The following GPC5 variants were observed in gnomAD, a reference collection of about 807,000 sequenced individuals.
GPC5 encodes glypican-5.
Under a neutral mutation model 53.9 loss-of-function variants are expected in GPC5, and 47 were observed. The observed-to-expected ratio is 0.87, with a 90% confidence interval of 0.69 to 1.11. GPC5 has a LOEUF of 1.11. Ranked by LOEUF, GPC5 falls within the 50% of genes most tolerant of loss-of-function variation. The probability of loss-of-function intolerance (pLI) is 0.00; values close to 1 mark genes in which losing one functional copy is unlikely to be tolerated. For synonymous variants in GPC5, 286 were observed against 263.3 expected (o/e 1.09, Z -0.84); for missense variants, 748 against 713.1 (o/e 1.05, Z -0.56).
intron 3 of GPC5, among the ~76,000 whole-genome samples, chr13:91,721,610 G>A (rs929507302): frequency 1.3e-4 from 20 of 152,170 alleles, no homozygotes; most frequent in African/African-American, 4.3e-4. Flanking sequence ...GAAACTACCC[G>A]ATGATCTGGC....
chr13:91,575,290 C>G (rs1349777767), intron 2 of GPC5, among the ~76,000 whole-genome samples: 1 of 152,056 alleles, frequency 6.6e-6, no homozygotes, highest in South Asian at 2.1e-4. Context: ...ATAAAATGGT[C>G]AAGTTTTAAA....
At chr13:91,835,328 T>C (rs2038711026) in intron 5 of GPC5, among the ~76,000 whole-genome samples, 1 of 152,132 alleles carries the variant, frequency 6.6e-6, no homozygotes, top group Admixed American at 6.6e-5. Context: ...GACAGTGTGG[T>C]GATTTCTCAA....
intron 2 of GPC5, among the ~76,000 whole-genome samples, chr13:91,464,780 G>A (rs538332456): frequency 6.6e-6 from 1 of 152,048 alleles, no homozygotes; most frequent in East Asian, 1.9e-4. Context: ...GTTACATGAA[G>A]CTACATGTCA....
intron 7 of GPC5, among the ~76,000 whole-genome samples, chr13:92,505,560 G>A (rs374487068): frequency 3.9e-5 from 6 of 152,012 alleles, no homozygotes; most frequent in African/African-American, 1.4e-4. Flanking sequence ...GTAGTTTCAT[G>A]TTAAATTTAA....
At chr13:92,767,990 C>T (rs1209108135) in intron 7 of GPC5, among the ~76,000 whole-genome samples, 5 of 152,114 alleles carry the variant, frequency 3.3e-5, no homozygotes, top group Non-Finnish European at 5.9e-5. Context: ...TTAAGTAATA[C>T]ATGTAGAAAC....
intron 6 of GPC5, among the ~76,000 whole-genome samples, chr13:92,132,877 G>T (rs1005377248): frequency 1.3e-5 from 2 of 152,016 alleles, no homozygotes; most frequent in East Asian, 1.9e-4. Flanking sequence ...TATCACAGAG[G>T]CCTGCAATAT....
chr13:92,006,169 A>G lies in GPC5; in HGVS notation c.1401+98112A>G, dbSNP rs184890313. Among the ~76,000 whole-genome samples the G allele has an allele frequency of 5.6e-3, 814 of 145,570 alleles. 5 individuals are homozygous for G. The highest frequency in any genetic ancestry group is 7.6e-3 in the Non-Finnish European group (516 of 68,006). On this transcript the variant is annotated intron_variant, in intron 6 of 7. Coordinates refer to ENST00000377067, the MANE Select transcript of GPC5 (RefSeq NM_004466.6). ...TGTGGCTTTTATGACATATGTGCAA[A>G]CAATATACAGTAAGTATTATCTGTC...
intron 7 of GPC5, among the ~76,000 whole-genome samples, chr13:92,649,304 C>A (rs1885881069): frequency 6.6e-6 from 1 of 152,060 alleles, no homozygotes; most frequent in Admixed American, 6.6e-5. Context: ...CCCCTATAAG[C>A]TCTCTTCAAT....
At chr13:92,605,047 A>G (rs2139086512) in intron 7 of GPC5, among the ~76,000 whole-genome samples, 1 of 152,358 alleles carries the variant, frequency 6.6e-6, no homozygotes, top group East Asian at 1.9e-4. Context: ...GAATTGCTGA[A>G]TTATTGAACA....
chr13:92,622,219 G>A (rs1202136780), intron 7 of GPC5, among the ~76,000 whole-genome samples: 1 of 152,134 alleles, frequency 6.6e-6, no homozygotes, highest in Admixed American at 6.5e-5. Context: ...GGTTAGCAGT[G>A]GCGCTGTTCC....
At chr13:92,236,838 TTATC>T (rs1249249964) in intron 7 of GPC5, among the ~76,000 whole-genome samples, 2 of 123,222 alleles carry the variant, frequency 1.6e-5, no homozygotes, top group African/African-American at 6.3e-5. Context: ...TTCTATATAT[TTATC>T]AGCATTTTTT....
chr13:92,286,521 G>A (rs1016773393), intron 7 of GPC5, among the ~76,000 whole-genome samples: 2 of 152,084 alleles, frequency 1.3e-5, no homozygotes, highest in Admixed American at 6.6e-5. Flanking sequence ...TTAAGAAAAT[G>A]TGGCACATAT....
At chr13:91,829,657 G>A (rs1409302359) in intron 5 of GPC5, among the ~76,000 whole-genome samples, 1 of 151,968 alleles carries the variant, frequency 6.6e-6, no homozygotes. Flanking sequence ...AGTCATGTAG[G>A]TTCTTTTCTA....
At chr13:91,689,596 CT>C (rs542297567) in intron 2 of GPC5, among the ~76,000 whole-genome samples, 90 of 149,362 alleles carry the variant, frequency 6.0e-4, no homozygotes, top group Admixed American at 1.3e-3. Context: ...ACTCTATAAG[CT>C]TTTTTTTTCT....
At chr13:92,751,738 A>G (rs1410135432) in intron 7 of GPC5, among the ~76,000 whole-genome samples, 1 of 142,294 alleles carries the variant, frequency 7.0e-6, no homozygotes, top group Non-Finnish European at 1.5e-5. Context: ...CTAGAACTTA[A>G]AGTATAAAAA....
intron 2 of GPC5, among the ~76,000 whole-genome samples, chr13:91,607,492 A>G (rs1044279518): frequency 5.3e-5 from 8 of 152,198 alleles, no homozygotes; most frequent in African/African-American, 1.7e-4. Flanking sequence ...TTCCACATTC[A>G]GCAGGATTCA....
intron 7 of GPC5, among the ~76,000 whole-genome samples, chr13:92,627,424 T>C (rs1161710975): frequency 6.6e-6 from 1 of 152,184 alleles, no homozygotes; most frequent in Non-Finnish European, 1.5e-5. Context: ...TTTCATCCCT[T>C]AGCCACCGTG....
At chr13:92,668,436 C>T (rs201639342) in intron 7 of GPC5, among the ~76,000 whole-genome samples, 2 of 152,132 alleles carry the variant, frequency 1.3e-5, no homozygotes, top group Non-Finnish European at 2.9e-5. Flanking sequence ...AACCTTCTCA[C>T]TATTCAGTTG....
chr13:92,783,187 C>T (rs1161118634), intron 7 of GPC5, among the ~76,000 whole-genome samples: 1 of 152,152 alleles, frequency 6.6e-6, no homozygotes, highest in East Asian at 1.9e-4. Flanking sequence ...CAACTCATGA[C>T]TCAGGTATCT....
Sources: gnomAD v4.1 joint callset for allele counts (sites outside exome capture counted in the v4.1 genomes callset) on GRCh38, gnomAD v4.1.1 for gene constraint, MANE v1.5 for transcripts, NCBI Gene and HGNC (gene_info 2026-07-23, HGNC 2026-07-21) for gene names.